CLPB: variants seen among roughly 807,000 people sequenced by gnomAD.
CLPB encodes the protein ClpB family mitochondrial disaggregase, also known as mitochondrial disaggregase.
A neutral mutation model predicts 78.4 loss-of-function variants in CLPB; 40 were observed. The observed-to-expected ratio is 0.51, with a 90% CI of 0.40 to 0.66. The LOEUF is 0.66. Ranked by LOEUF, CLPB falls within the 30% of genes least tolerant of loss-of-function variation. CLPB has a pLI of 0.00. For synonymous variants in CLPB, 333 were observed against 348.0 expected (o/e 0.96, Z 0.48); for missense variants, 780 against 886.9 (o/e 0.88, Z 1.53).
chr11:72,364,701 C>T (rs1305282845), intron 4 of CLPB, among the ~76,000 whole-genome samples: 1 of 152,024 alleles, frequency 6.6e-6, no homozygotes, highest in African/African-American at 2.4e-5. Flanking sequence ...TTCCTTTCCT[C>T]CTCCCTTCCT....
intron 5 of CLPB, among the ~76,000 whole-genome samples, chr11:72,333,475 C>T (rs1030779999): frequency 3.3e-5 from 5 of 152,242 alleles, no homozygotes; most frequent in African/African-American, 1.2e-4. Flanking sequence ...ATACCTTGGC[C>T]ACTCTCTCCT....
chr11:72,379,981 C>A (rs549934779), intron 4 of CLPB, among the ~76,000 whole-genome samples: 30 of 152,304 alleles, frequency 2.0e-4, no homozygotes, highest in Admixed American at 1.8e-3. Flanking sequence ...ATCTGCGGCT[C>A]TCCAGGCTGA....
intron 3 of CLPB, among the ~76,000 whole-genome samples, chr11:72,385,755 G>A (rs891781108): frequency 1.3e-5 from 2 of 152,136 alleles, no homozygotes; most frequent in East Asian, 1.9e-4. Context: ...TCCGGGAGGC[G>A]GAGGATGCAG....
intron 6 of CLPB, among the ~76,000 whole-genome samples, chr11:72,327,395 C>T (rs1950150714): frequency 6.6e-6 from 1 of 152,236 alleles, no homozygotes; most frequent in African/African-American, 2.4e-5. Context: ...AATATGGTGT[C>T]TGTAATTGCC....
chr11:72,293,313 A>T lies in CLPB; in HGVS notation c.*54T>A. On this transcript the variant is annotated 3_prime_UTR_variant, in exon 16 of 16. Coordinates refer to ENST00000538039, the MANE Select transcript of CLPB (RefSeq NM_001258392.3). ...GAAGGTAAGTCAGTTGCCATGCCAC[A>T]GCCAAGGGGCCTTTATTGGATGGTG... is the stretch of plus-strand genomic sequence containing the variant. 6.3e-7 allele frequency: 1 copy of T among 1,584,314 alleles called. No homozygotes were observed. Among genetic ancestry groups the T allele is most frequent in the Non-Finnish European group, 8.6e-7 (1 of 1,161,486 alleles).
rs1330573619 is a variant in CLPB, at chr11:72,291,982, G to C, written c.*1385C>G. Reference sequence around the variant, plus strand: ...GGCGTGAACCTGGGAGGCAGGGCTTGCAGTGAGCCGAGATCGCGCCACTGC... The same window carrying C: ...GGCGTGAACCTGGGAGGCAGGGCTTCCAGTGAGCCGAGATCGCGCCACTGC... On this transcript the variant is annotated 3_prime_UTR_variant, in exon 16 of 16. Transcript: ENST00000538039. The C allele has an allele frequency of 1.4e-5, 2 of 147,304 alleles. No individual in the cohort carries two copies. The highest frequency in any genetic ancestry group is 5.1e-5 in the African/African-American group (2 of 39,228). The allele number at this position is 147,304 out of a possible 1,614,324, so 9.1% of individuals were successfully genotyped here. A position where few individuals can be genotyped will look rare whatever the true frequency, so the allele number is the denominator to read the frequency against.
intron 2 of CLPB, among the ~76,000 whole-genome samples, chr11:72,426,082 G>A (rs1856366961): frequency 6.6e-6 from 1 of 152,138 alleles, no homozygotes; most frequent in Non-Finnish European, 1.5e-5. Context: ...AATAAATCCT[G>A]GAGAAAAAGG....
At position 72,293,584 on chromosome 11, in the gene CLPB, G is replaced by C; in HGVS notation, c.1817C>G (p.Ala606Gly). 6.2e-7 allele frequency: 1 copy of C among 1,613,816 alleles called. No individual in the cohort carries two copies. Among genetic ancestry groups the C allele is most frequent in the Non-Finnish European group, 8.5e-7 (1 of 1,179,776 alleles). The change falls in exon 16 of 16, where the codon GCA becomes GGA. Residue 606 changes from alanine (A) to glycine (G), a missense_variant. Ala to Gly is a moderately conservative substitution (Grantham distance 60). Coordinates refer to ENST00000538039, the MANE Select transcript of CLPB (RefSeq NM_001258392.3). ...TGGCAGCAGGTCCTGCTCATAGGCT[G>C]CTGCCAGCTGGTTCACCACACGGCG... Reference protein sequence around the residue: ...VERRVVNQLAAAYEQDLLPGG... With the variant: ...VERRVVNQLAGAYEQDLLPGG...
At chr11:72,379,577 C>A (rs908292943) in intron 4 of CLPB, among the ~76,000 whole-genome samples, 3 of 152,152 alleles carry the variant, frequency 2.0e-5, no homozygotes, top group Non-Finnish European at 2.9e-5. Context: ...GACATTCAAT[C>A]CCCAAGACTC....
Position 72,288,185 on chromosome 11 carries a change from G to A in CLPB, c.*5182C>T, listed in dbSNP as rs1273884076. ...CCAAGTCTGGTCTCATGTATTCTAG[G>A]ATCCTCAATAAGGAATTTGGGGCCG... is the stretch of plus-strand genomic sequence containing the variant. On this transcript the variant is annotated 3_prime_UTR_variant, in exon 16 of 16. Coordinates refer to ENST00000538039, the MANE Select transcript of CLPB (RefSeq NM_001258392.3). The A allele has an allele frequency of 6.6e-6, 1 of 151,966 alleles. No individual in the cohort carries two copies. The allele number at this position is 151,966 out of a possible 1,614,324, so 9.4% of individuals were successfully genotyped here.
chr11:72,317,313 G>T (rs760696085), intron 6 of CLPB, 93 bp from the exon 7 acceptor site: 34 of 860,932 alleles, frequency 3.9e-5, no homozygotes, highest in Non-Finnish European at 5.3e-5. Flanking sequence ...CACAGGTCTG[G>T]GTATCCAGGG....
At chr11:72,423,948 T>C (rs1856285226) in intron 2 of CLPB, among the ~76,000 whole-genome samples, 1 of 152,234 alleles carries the variant, frequency 6.6e-6, no homozygotes, top group Admixed American at 6.5e-5. Context: ...GCCTTTCTCT[T>C]CATCATTAAG....
intron 10 of CLPB, 64 bp from the exon 11 acceptor site, chr11:72,302,028 A>C: frequency 6.4e-7 from 1 of 1,562,208 alleles, no homozygotes; most frequent in Non-Finnish European, 8.7e-7. Context: ...AACATGGGGC[A>C]TGCATGGGAA....
In CLPB at chr11:72,424,759, A is replaced by C. The variant is rs561648117; in HGVS notation, c.455+5553T>G. 3.0e-3 allele frequency among the ~76,000 whole-genome samples: 455 copies of C among 152,212 alleles called. 4 individuals carry two copies. The highest frequency in any genetic ancestry group is 9.2e-3 in the African/African-American group (383 of 41,546). ...AAATTAGCCGGGCGCGTTGGCGGGC[A>C]CCTGTAGTCCCAGCTACTCGGGAGG... is the stretch of plus-strand genomic sequence containing the variant. On this transcript the variant is annotated intron_variant, in intron 2 of 15. Coordinates refer to ENST00000538039, the MANE Select transcript of CLPB (RefSeq NM_001258392.3).
At chr11:72,295,442 AGGCTGGT>A (rs1949532686) in intron 12 of CLPB, 43 bp downstream of exon 12, 1 of 1,592,826 alleles carries the variant, frequency 6.3e-7, no homozygotes, top group African/African-American at 1.3e-5. Flanking sequence ...CCCAGGAGAT[AGGCTGGT>A]GGCTTGGTCA....
intron 4 of CLPB, among the ~76,000 whole-genome samples, chr11:72,367,511 G>A (rs923144551): frequency 5.9e-5 from 9 of 152,128 alleles, no homozygotes; most frequent in Non-Finnish European, 1.3e-4. Flanking sequence ...ACTGTGCCCA[G>A]CCTACCTGTT....
intron 2 of CLPB, among the ~76,000 whole-genome samples, chr11:72,404,168 G>T (rs1855637726): frequency 6.6e-6 from 1 of 152,196 alleles, no homozygotes; most frequent in Non-Finnish European, 1.5e-5. Context: ...ACACTACACT[G>T]ATGTCAGTGA....
At chr11:72,418,854 C>CAAAA (rs913728201) in intron 2 of CLPB, among the ~76,000 whole-genome samples, 5 of 75,254 alleles carry the variant, frequency 6.6e-5, no homozygotes, top group African/African-American at 1.8e-4. Flanking sequence ...ACTCCATCTC[C>CAAAA]AAAAAAAAAA....
At chr11:72,307,293 G>C in intron 8 of CLPB, 39 bp from the exon 9 acceptor site, 3 of 1,538,458 alleles carry the variant, frequency 1.9e-6, no homozygotes, top group Non-Finnish European at 2.7e-6. Flanking sequence ...GTTAGAACCA[G>C]GTGACTAACC....
Sources: allele counts gnomAD v4.1 joint callset (sites outside exome capture counted in the v4.1 genomes callset), GRCh38; gene constraint gnomAD v4.1.1; transcripts MANE v1.5; gene names NCBI Gene and HGNC (gene_info 2026-07-23, HGNC 2026-07-21).